The following ANKS1B variants were observed in gnomAD, a reference collection of about 807,000 sequenced individuals.
ANKS1B encodes ankyrin repeat and sterile alpha motif domain-containing protein 1B.
A neutral mutation model predicts 148.3 loss-of-function variants in ANKS1B; 36 were observed. The ratio of observed to expected loss-of-function variants is 0.24; its 90% CI spans 0.19 to 0.32. ANKS1B has a LOEUF of 0.32. Among genes scored for constraint, ANKS1B ranks in the 10% least tolerant of loss-of-function variants. The probability of loss-of-function intolerance (pLI) is 1.00; values close to 1 mark genes in which losing one functional copy is unlikely to be tolerated. For synonymous variants in ANKS1B, 542 were observed against 560.8 expected, an observed-to-expected ratio of 0.97 and a Z score of 0.47; for missense variants, 1,157 against 1,542.6, an observed-to-expected ratio of 0.75 and a Z score of 4.19.
chr12:99,637,270 A>C lies in ANKS1B; in HGVS notation c.1272+17797T>G, dbSNP rs142437482. 1.9e-3 allele frequency among the ~76,000 whole-genome samples: 285 copies of C among 152,304 alleles called. 5 individuals are homozygous for C. Among genetic ancestry groups the C allele is most frequent in the Admixed American group, 0.017 (255 of 15,300 alleles). ...GAGTTTGCCAAGATCGTGCCACTGC[A>C]CTCCAGCTTGGGCAGCAAAGTGAGA... On this transcript the variant is annotated intron_variant, in intron 9 of 26. Transcript: ENST00000683438.
chr12:99,527,252 C>T (rs2096936049), intron 9 of ANKS1B, among the ~76,000 whole-genome samples: 4 of 152,014 alleles, frequency 2.6e-5, no homozygotes, highest in Admixed American at 2.6e-4. Context: ...TGATTAATCT[C>T]TTAGCATTTT....
At chr12:99,750,145 T>C (rs1346042177) in intron 8 of ANKS1B, among the ~76,000 whole-genome samples, 2 of 152,070 alleles carry the variant, frequency 1.3e-5, no homozygotes, top group African/African-American at 2.4e-5. Context: ...TTTAAATATG[T>C]AAATTTGTGA....
Position 99,309,823 on chromosome 12 carries a change from C to G in ANKS1B, c.1757-62959G>C, listed in dbSNP as rs147415359. Among the ~76,000 whole-genome samples the G allele has an allele frequency of 4.7e-3, 720 of 152,216 alleles. 6 individuals are homozygous for G. The highest frequency in any genetic ancestry group is 6.4e-3 in the Non-Finnish European group (436 of 67,990). On this transcript the variant is annotated intron_variant, in intron 12 of 26. Coordinates refer to ENST00000683438, the MANE Select transcript of ANKS1B (RefSeq NM_001352186.2). ...TTTTAAATAAGCCTAAGCAGTACTA[C>G]AAACAGCATTCATTTTGGCTAAACA...
At chr12:99,440,273 T>A (rs558936478) in intron 11 of ANKS1B, among the ~76,000 whole-genome samples, 69 of 151,992 alleles carry the variant, frequency 4.5e-4, no homozygotes, top group African/African-American at 1.6e-3. Context: ...TTAAGATCTG[T>A]GTATTTGATT....
chr12:99,067,104 A>G (rs1262192963), intron 16 of ANKS1B, among the ~76,000 whole-genome samples: 2 of 152,222 alleles, frequency 1.3e-5, no homozygotes, highest in Non-Finnish European at 2.9e-5. Context: ...ATCCCTTAAG[A>G]TGAAGAGGTT....
chr12:98,744,942 G>A lies in ANKS1B; in HGVS notation c.*797C>T, dbSNP rs1440455975. On this transcript the variant is annotated 3_prime_UTR_variant, in exon 27 of 27. Transcript: ENST00000683438. Reference sequence around the variant, plus strand: ...CACCACTGAGCCAGTCCTCTTGGTAGTAGCAGTAGAAATTTAATTATTTGA... The same window carrying A: ...CACCACTGAGCCAGTCCTCTTGGTAATAGCAGTAGAAATTTAATTATTTGA... 4.1e-6 allele frequency: 4 copies of A among 985,808 alleles called. No homozygotes were observed. The South Asian group carries it at 1.4e-4, about 35-fold the overall frequency. The allele number at this position is 985,808 out of a possible 1,614,324, so 61.1% of individuals were successfully genotyped here. A position where few individuals can be genotyped will look rare whatever the true frequency, so the allele number is the denominator to read the frequency against.
intron 11 of ANKS1B, among the ~76,000 whole-genome samples, chr12:99,416,349 T>C (rs556490555): frequency 6.6e-6 from 1 of 152,350 alleles, no homozygotes; most frequent in African/African-American, 2.4e-5. Flanking sequence ...CATGTTTTCA[T>C]TTATCTGGGA....
chr12:99,577,991 A>C (rs2153225769), intron 9 of ANKS1B, among the ~76,000 whole-genome samples: 1 of 152,204 alleles, frequency 6.6e-6, no homozygotes, highest in Non-Finnish European at 1.5e-5. Flanking sequence ...TAGCAAACCA[A>C]ATCCAGCTGT....
chr12:99,942,731 T>C (rs11110143), intron 1 of ANKS1B, among the ~76,000 whole-genome samples: 27,316 of 152,048 alleles, frequency 0.18, 3,237 homozygotes, highest in Non-Finnish European at 0.26. Flanking sequence ...AACTGGAGAA[T>C]ATACACCGGA....
intron 17 of ANKS1B, among the ~76,000 whole-genome samples, chr12:98,970,182 C>T (rs2099882006): frequency 6.6e-6 from 1 of 152,174 alleles, no homozygotes; most frequent in South Asian, 2.1e-4. Flanking sequence ...TATACAAGTT[C>T]CATCATTTTT....
At chr12:99,965,653 G>T (rs531920692) in intron 1 of ANKS1B, among the ~76,000 whole-genome samples, 1 of 152,278 alleles carries the variant, frequency 6.6e-6, no homozygotes, top group South Asian at 2.1e-4. Context: ...GCCAGGCACG[G>T]TGGCTCACGC....
intron 12 of ANKS1B, among the ~76,000 whole-genome samples, chr12:99,290,002 G>A (rs184988149): frequency 6.6e-6 from 1 of 150,774 alleles, no homozygotes; most frequent in Non-Finnish European, 1.5e-5. Context: ...TTTTTGAAAA[G>A]ATAAACAAAA....
intron 12 of ANKS1B, among the ~76,000 whole-genome samples, chr12:99,374,935 GT>G (rs1457132455): frequency 2.6e-5 from 4 of 152,240 alleles, no homozygotes; most frequent in Non-Finnish European, 5.9e-5. Flanking sequence ...CAATTCATGT[GT>G]TTTTGAATTT....
At chr12:99,217,529 T>G (rs927268803) in intron 14 of ANKS1B, among the ~76,000 whole-genome samples, 2 of 152,172 alleles carry the variant, frequency 1.3e-5, no homozygotes, top group African/African-American at 4.8e-5. Flanking sequence ...CAATACTAAT[T>G]ATAACCTTAT....
intron 15 of ANKS1B, among the ~76,000 whole-genome samples, chr12:99,135,502 A>C (rs992148625): frequency 2.0e-5 from 3 of 152,230 alleles, no homozygotes; most frequent in African/African-American, 7.2e-5. Flanking sequence ...AGATCCTGAA[A>C]CTTCCAGAGA....
chr12:99,077,227 C>A (rs1239415475), intron 16 of ANKS1B, among the ~76,000 whole-genome samples: 3 of 152,066 alleles, frequency 2.0e-5, no homozygotes, highest in African/African-American at 7.2e-5. Context: ...TAGGTTAGGA[C>A]CTCCATGCTA....
chr12:99,981,781 A>T (rs1309306188), intron 1 of ANKS1B, among the ~76,000 whole-genome samples: 1 of 152,152 alleles, frequency 6.6e-6, no homozygotes, highest in Non-Finnish European at 1.5e-5. Context: ...AGCACTTAGC[A>T]TAGGGTCTGA....
intron 9 of ANKS1B, among the ~76,000 whole-genome samples, chr12:99,545,107 A>T (rs755712087): frequency 6.6e-6 from 1 of 152,130 alleles, no homozygotes; most frequent in Non-Finnish European, 1.5e-5. Context: ...TGCACAGGAC[A>T]TTTTAATTAT....
chr12:98,956,419 T>C (rs1450358205), intron 17 of ANKS1B: 1 of 152,224 alleles, frequency 6.6e-6, no homozygotes, highest in Non-Finnish European at 1.5e-5. Flanking sequence ...AATGTAAATG[T>C]GGCCATGTTA....
Sources: gnomAD v4.1 joint callset for allele counts (sites outside exome capture counted in the v4.1 genomes callset) on GRCh38, gnomAD v4.1.1 for gene constraint, MANE v1.5 for transcripts, NCBI Gene and HGNC (gene_info 2026-07-23, HGNC 2026-07-21) for gene names.